The following TH variants were observed in gnomAD, a reference collection of about 807,000 sequenced individuals.
TH encodes the protein tyrosine 3-monooxygenase.
A neutral mutation model predicts 57.4 loss-of-function variants in TH; 49 were observed. The observed-to-expected ratio is 0.85, with a 90% confidence interval of 0.68 to 1.08. TH has a LOEUF of 1.08. Among genes scored for constraint, TH ranks in the 50% least tolerant of loss-of-function variants. The pLI is 0.00. For synonymous variants in TH, 330 were observed against 304.5 expected (o/e 1.08, Z -0.87); for missense variants, 720 against 696.7 (o/e 1.03, Z -0.38).
At chr11:2,167,649 C>G (rs1033858898) in intron 5 of TH, 164 bp from the exon 6 acceptor site, 1 of 1,084,188 alleles carries the variant, frequency 9.2e-7, no homozygotes. Context: ...TGCCGTGAGC[C>G]GGCTATGTGG....
At position 2,168,180 on chromosome 11, in the gene TH, C is replaced by A. The variant is rs1285458218; in HGVS notation, c.488-1G>T. The A allele has an allele frequency of 6.2e-7, 1 of 1,613,322 alleles. No homozygotes were observed. The highest frequency in any genetic ancestry group is 8.5e-7 in the Non-Finnish European group (1 of 1,179,922). Reference sequence around the variant, plus strand: ...GACACTTTTCTTGGGAACCAGGGGACTTTATGGGTGATGGAGGAAGAGATC... The same window carrying A: ...GACACTTTTCTTGGGAACCAGGGGAATTTATGGGTGATGGAGGAAGAGATC... On this transcript the variant is annotated splice_acceptor_variant, in intron 3 of 12. Coordinates refer to ENST00000352909, the MANE Select transcript of TH (RefSeq NM_000360.4). LOFTEE classifies it high-confidence loss of function.
chr11:2,170,059 C>T lies in TH; in HGVS notation c.91-188G>A, dbSNP rs1410239035. 6.6e-6 allele frequency among the ~76,000 whole-genome samples: 1 copy of T among 152,166 alleles called. No homozygotes were observed. The highest frequency in any genetic ancestry group is 1.5e-5 in the Non-Finnish European group (1 of 68,016). On this transcript the variant is annotated intron_variant, in intron 1 of 12. Coordinates refer to ENST00000352909, the MANE Select transcript of TH (RefSeq NM_000360.4). This position sits in a 1 kb window ranked among gnomAD's most constrained non-coding sequence, Gnocchi z 6.0. ...CGAGGTGCCTGCGGGCATTGCACGC[C>T]CTTCCCGATGGGGGCAGCCCAGTCA... is the stretch of plus-strand genomic sequence containing the variant.
chr11:2,164,162 A>C lies in TH; in HGVS notation c.*71T>G. ...GGGGGCACCCGGGACCCAGCCCCTC[A>C]CCAGGGCCTGAGCTCCGGGACAGTG... On this transcript the variant is annotated 3_prime_UTR_variant, in exon 13 of 13. Coordinates refer to ENST00000352909, the MANE Select transcript of TH (RefSeq NM_000360.4). The C allele has an allele frequency of 7.8e-7, 1 of 1,288,838 alleles. No homozygotes were observed. Among genetic ancestry groups the C allele is most frequent in the South Asian group, 2.5e-5 (1 of 39,992 alleles). 79.8% of individuals were successfully genotyped at this position (1,288,838 alleles called of 1,614,324 possible).
Position 2,165,841 on chromosome 11 carries a change from T to C in TH, c.1105-78A>G, listed in dbSNP as rs6578990. Reference sequence around the variant, plus strand: ...AGCCCCTGGTCACCCGTGACCAGGATACCACCCCCAGGGAGGCCAGGCCAG... The same window carrying C: ...AGCCCCTGGTCACCCGTGACCAGGACACCACCCCCAGGGAGGCCAGGCCAG... On this transcript the variant is annotated intron_variant, in intron 10 of 12. Coordinates refer to ENST00000352909, the MANE Select transcript of TH (RefSeq NM_000360.4). 0.98 allele frequency: 1,524,557 copies of C among 1,550,660 alleles called. 752,632 individuals are homozygous for C. The highest frequency in any genetic ancestry group is 1 in the East Asian group (41,256 of 41,258).
chr11:2,171,339 G>A lies in TH; in HGVS notation c.90+358C>T, dbSNP rs1354965072. Among the ~76,000 whole-genome samples, 1 of 152,044 alleles carries A rather than the reference G, an allele frequency of 6.6e-6. No individual in the cohort carries two copies. Among genetic ancestry groups the A allele is most frequent in the Non-Finnish European group, 1.5e-5 (1 of 67,988 alleles). ...GGTGGGAGTAGGGTGGGGGCTGGGT[G>A]CAGCAGCCGGGGACCTCTGGCCATC... On this transcript the variant is annotated intron_variant, in intron 1 of 12. Transcript: ENST00000352909. The surrounding 1 kb of genome is among the most constrained non-coding windows in gnomAD (Gnocchi z 8.6).
Position 2,164,411 on chromosome 11 carries a change from G to C in TH, c.1335-19C>G. On this transcript the variant is annotated intron_variant, in intron 12 of 12. Coordinates refer to ENST00000352909, the MANE Select transcript of TH (RefSeq NM_000360.4). ...ATAGCTCCTGGGGAGGAGAGCGGCA[G>C]AGCCCTCGTCAACTGGCGGGCAGAG... 6.5e-7 allele frequency: 1 copy of C among 1,543,132 alleles called. No homozygotes were observed. The highest frequency in any genetic ancestry group is 8.7e-7 in the Non-Finnish European group (1 of 1,145,244).
chr11:2,165,432 TG>T, intron 11 of TH, 67 bp from the exon 12 acceptor site: 2 of 1,598,586 alleles, frequency 1.3e-6, no homozygotes, highest in Non-Finnish European at 1.7e-6. Flanking sequence ...TGGGGCACCG[TG>T]GCCTGACGCT....
rs1342223207 is a variant in TH at position 2,168,103 on chromosome 11, G to T, written c.564C>A (p.Asp188Glu). The stretch of plus-strand genomic sequence containing the variant: ...GCGCACCACTCACCGGGTGGTCCAA[G>T]TCCAGGTCAGGGTCGAACTTGGTGA... Reference protein sequence around the residue: ...HLVTKFDPDLDLDHPGFSDQV... With the variant: ...HLVTKFDPDLELDHPGFSDQV... The change falls in exon 4 of 13, where the codon GAC (aspartate) becomes GAA (glutamate). Residue 188 changes from aspartate (D) to glutamate (E), a missense_variant. Physicochemically the swap from Asp to Glu is conservative, Grantham distance 45. Coordinates refer to ENST00000352909, the MANE Select transcript of TH (RefSeq NM_000360.4). 4 of 1,613,394 alleles carry T rather than the reference G, an allele frequency of 2.5e-6. No individual in the cohort carries two copies. Among genetic ancestry groups the T allele is most frequent in the Non-Finnish European group, 3.4e-6 (4 of 1,180,026 alleles).
intron 10 of TH, 75 bp from the exon 11 acceptor site, chr11:2,165,838 G>A: frequency 6.4e-7 from 1 of 1,558,618 alleles, no homozygotes; most frequent in Non-Finnish European, 8.7e-7. Flanking sequence ...CCCGTGACCA[G>A]GATACCACCC....
Position 2,167,423 on chromosome 11 carries a change from C to T in TH, c.695+12G>A, listed in dbSNP as rs757808045. 9.5e-5 allele frequency: 148 copies of T among 1,558,848 alleles called. No homozygotes were observed. Among genetic ancestry groups the T allele is most frequent in the Non-Finnish European group, 1.2e-4 (138 of 1,151,440 alleles). ...GGCTCCTCCCCAGCCCCTAGCTGCACGGAGGTCTCACCAGGTGGCAATCTC... is the reference window on the plus strand; with the variant it reads ...GGCTCCTCCCCAGCCCCTAGCTGCATGGAGGTCTCACCAGGTGGCAATCTC... On this transcript the variant is annotated intron_variant, in intron 6 of 12. Coordinates refer to ENST00000352909, the MANE Select transcript of TH (RefSeq NM_000360.4).
Position 2,166,784 on chromosome 11 carries a change from C to T in TH, c.842-16G>A. The T allele has an allele frequency of 6.5e-7, 1 of 1,547,602 alleles. No homozygotes were observed. The highest frequency in any genetic ancestry group is 8.7e-7 in the Non-Finnish European group (1 of 1,145,588). On this transcript the variant is annotated splice_polypyrimidine_tract_variant and intron_variant, in intron 7 of 12. Transcript: ENST00000352909. ...CCCGTGCGCTCTGCAAGGGGCCACG[C>T]GGGTCACTGCCGAGCCGGGACGGGC...
chr11:2,170,689 C>A lies in TH; in HGVS notation c.91-818G>T. The A allele has an allele frequency of 6.2e-7, 1 of 1,603,880 alleles. No homozygotes were observed. The highest frequency in any genetic ancestry group is 1.1e-5 in the South Asian group (1 of 88,556). On this transcript the variant is annotated intron_variant, in intron 1 of 12. Coordinates refer to ENST00000352909, the MANE Select transcript of TH (RefSeq NM_000360.4). This position sits in a 1 kb window ranked among gnomAD's most constrained non-coding sequence, Gnocchi z 6.0. ...CCCTCCCAGAGTCCCCTCTTACTTA[C>A]CCTTGGGGTGGGGGTGTAGGATGCA...
In TH at chr11:2,170,787, T is replaced by C; in HGVS notation, c.90+910A>G. ...CGGGGCGCCCTGGGGAGGGGATGCCTGATGGGGAGCCTGGTGGGGGAGGGT... is the reference window on the plus strand; with the variant it reads ...CGGGGCGCCCTGGGGAGGGGATGCCCGATGGGGAGCCTGGTGGGGGAGGGT... On this transcript the variant is annotated intron_variant, in intron 1 of 12. Coordinates refer to ENST00000352909, the MANE Select transcript of TH (RefSeq NM_000360.4). The surrounding 1 kb of genome is among the most constrained non-coding windows in gnomAD (Gnocchi z 6.0). 1 of 818,034 alleles carries C rather than the reference T, an allele frequency of 1.2e-6. No homozygotes were observed. The highest frequency in any genetic ancestry group is 1.4e-6 in the Non-Finnish European group (1 of 695,290). The allele number at this position is 818,034 out of a possible 1,614,324, so 50.7% of individuals were successfully genotyped here.
chr11:2,166,637 C>G lies in TH; in HGVS notation c.973G>C (p.Glu325Gln). Residue 325 changes from glutamate to glutamine, a missense_variant, in exon 8 of 13, where the codon GAG becomes CAG. Physicochemically the swap from Glu to Gln is conservative, Grantham distance 29. Transcript: ENST00000352909. ...RHASSPMHSP[E>Q]PDCCHELLGH... is the part of the protein sequence containing the mutation. ...GCGGCCAGGGCGCGCACTCACGGCT[C>G]AGGGGAGTGCATGGGCGAGGACGCG... 7.6e-6 allele frequency: 12 copies of G among 1,579,756 alleles called. No individual in the cohort carries two copies. The highest frequency in any genetic ancestry group is 1.0e-5 in the Non-Finnish European group (12 of 1,164,088).
rs1189365780 is a variant in TH at position 2,170,533 on chromosome 11, G to T, written c.91-662C>A. On this transcript the variant is annotated intron_variant, in intron 1 of 12. Coordinates refer to ENST00000352909, the MANE Select transcript of TH (RefSeq NM_000360.4). The surrounding 1 kb of genome is among the most constrained non-coding windows in gnomAD (Gnocchi z 6.0). ...GCCGTCCCAGGCCTGGACAGAGGGG[G>T]ACTTGGCAGACACCTGGGGCTCATC... Among the ~76,000 whole-genome samples, 1 of 152,160 alleles carries T rather than the reference G, an allele frequency of 6.6e-6. No individual in the cohort carries two copies. The highest frequency in any genetic ancestry group is 2.4e-5 in the African/African-American group (1 of 41,446).
At chr11:2,169,159 G>A (rs1184796852) in intron 2 of TH, among the ~76,000 whole-genome samples, 3 of 152,182 alleles carry the variant, frequency 2.0e-5, no homozygotes, top group African/African-American at 7.2e-5. Context: ...CACAAAACTG[G>A]CTCTGGGAGC....
intron 5 of TH, 163 bp downstream of exon 5, chr11:2,167,703 C>A: frequency 2.6e-6 from 3 of 1,135,868 alleles, no homozygotes; most frequent in Non-Finnish European, 3.8e-6. Flanking sequence ...AGTTTCCCCA[C>A]TGGGATTTGG....
chr11:2,168,500 C>G lies in TH; in HGVS notation c.478G>C (p.Gly160Arg). ...QVSEDVRSPA[G>R]PKVPWFPRKV... is the part of the protein sequence containing the mutation. ...CAGAAAACCGCCTCACCCTTGGGCC[C>G]CGCGGGGCTGCGCACGTCCTCTGAC... is the stretch of plus-strand genomic sequence containing the variant. Residue 160 changes from glycine (G) to arginine (R), a missense_variant, in exon 3 of 13, where the codon GGG becomes CGG. Physicochemically the swap from Gly to Arg is moderately radical, Grantham distance 125 (BLOSUM62 -2). Coordinates refer to ENST00000352909, the MANE Select transcript of TH (RefSeq NM_000360.4). 4 of 1,612,324 alleles carry G rather than the reference C, an allele frequency of 2.5e-6. No homozygotes were observed. The highest frequency in any genetic ancestry group is 3.4e-6 in the Non-Finnish European group (4 of 1,179,842).
intron 3 of TH, 144 bp downstream of exon 3, chr11:2,168,347 A>G: frequency 7.3e-7 from 1 of 1,363,768 alleles, no homozygotes; most frequent in Non-Finnish European, 1.0e-6. Context: ...ACGGATGTGT[A>G]GCAAAACGGG....
Sources: gnomAD v4.1 joint callset for allele counts (sites outside exome capture counted in the v4.1 genomes callset) on GRCh38, gnomAD v4.1.1 for gene constraint, Gnocchi (gnomAD v3.1) non-coding constraint, MANE v1.5 for transcripts, NCBI Gene and HGNC (gene_info 2026-07-23, HGNC 2026-07-21) for gene names.